Variants in ENTHD1 observed in about 807,000 individuals in gnomAD.
ENTHD1 encodes the protein ENTH domain containing 1.
In ENTHD1, 23 loss-of-function variants were observed where a neutral mutation model predicts 39.1. That is an observed-to-expected ratio of 0.59 (90% CI 0.42 to 0.83). The LOEUF (loss-of-function observed/expected upper bound fraction) is 0.83, where lower values mean the gene tolerates loss of function less well. Among genes scored for constraint, ENTHD1 ranks in the 40% least tolerant of loss-of-function variants. The probability of loss-of-function intolerance (pLI) is 0.00; values close to 1 mark genes in which losing one functional copy is unlikely to be tolerated. For missense variants in ENTHD1, 624 were observed against 705.4 expected (o/e 0.88, Z 1.31); for synonymous variants, 230 against 258.2 (o/e 0.89, Z 1.05).
intron 4 of ENTHD1, among the ~76,000 whole-genome samples, chr22:39,828,584 A>G (rs773360778): frequency 1.3e-5 from 2 of 152,242 alleles, no homozygotes; most frequent in Non-Finnish European, 2.9e-5. Flanking sequence ...TCAATTTAGT[A>G]AATCACAACT....
intron 6 of ENTHD1, among the ~76,000 whole-genome samples, chr22:39,757,063 T>G (rs754013392): frequency 7.2e-5 from 11 of 152,100 alleles, no homozygotes; most frequent in Non-Finnish European, 1.3e-4. Context: ...GCAGAGCTAT[T>G]TGGAGAAAAA....
rs1379617550 is a variant in ENTHD1 at position 39,887,808 on chromosome 22, C to G, written c.-60G>C. On this transcript the variant is annotated 5_prime_UTR_variant, in exon 2 of 7. Coordinates refer to ENST00000325157, the MANE Select transcript of ENTHD1 (RefSeq NM_152512.4). ...AAAGCAATGGAATAACAGTTTATGTCACGGGTTTATAAAACTCTTGACAGG... is the reference window on the plus strand; with the variant it reads ...AAAGCAATGGAATAACAGTTTATGTGACGGGTTTATAAAACTCTTGACAGG... 10 of 1,293,164 alleles carry G rather than the reference C, an allele frequency of 7.7e-6. No individual in the cohort carries two copies. Among genetic ancestry groups the G allele is most frequent in the Non-Finnish European group, 9.5e-6 (9 of 943,904 alleles). The allele number at this position is 1,293,164 out of a possible 1,614,324, so 80.1% of individuals were successfully genotyped here.
chr22:39,887,139 C>T (rs2066384913), intron 2 of ENTHD1, among the ~76,000 whole-genome samples: 1 of 152,172 alleles, frequency 6.6e-6, no homozygotes, highest in African/African-American at 2.4e-5. Context: ...CAACTCTTCC[C>T]CACCTCCTGG....
At chr22:39,751,568 T>C (rs1025703084) in intron 6 of ENTHD1, among the ~76,000 whole-genome samples, 2 of 152,302 alleles carry the variant, frequency 1.3e-5, no homozygotes, top group South Asian at 4.1e-4. Context: ...TTTGAATAAT[T>C]TTTCTAAGCA....
At position 39,841,463 on chromosome 22, in the gene ENTHD1, T is replaced by C. The variant is rs565742199; in HGVS notation, c.593-5505A>G. On this transcript the variant is annotated intron_variant, in intron 3 of 6. Transcript: ENST00000325157. ...TATTTAGGATAGTTAGCTCTTCTTG[T>C]TGAATTGATCCCTTTACCATTATGT... is the stretch of plus-strand genomic sequence containing the variant. Among the ~76,000 whole-genome samples, 1,139 of 151,790 alleles carry C rather than the reference T, an allele frequency of 7.5e-3. 6 individuals carry two copies. The highest frequency in any genetic ancestry group is 0.014 in the Non-Finnish European group (932 of 67,902).
chr22:39,816,442 A>G (rs2065734303), intron 5 of ENTHD1, among the ~76,000 whole-genome samples: 1 of 152,236 alleles, frequency 6.6e-6, no homozygotes, highest in Admixed American at 6.5e-5. Flanking sequence ...AATAGTATAC[A>G]TTAACACTAT....
At chr22:39,847,035 C>G (rs1744021315) in intron 3 of ENTHD1, among the ~76,000 whole-genome samples, 1 of 152,010 alleles carries the variant, frequency 6.6e-6, no homozygotes, top group Non-Finnish European at 1.5e-5. Flanking sequence ...CCAGCCATCC[C>G]ATTACTGGGT....
chr22:39,846,216 T>G (rs1435812473), intron 3 of ENTHD1, among the ~76,000 whole-genome samples: 1 of 152,190 alleles, frequency 6.6e-6, no homozygotes, highest in Non-Finnish European at 1.5e-5. Flanking sequence ...AAAGTTTCTT[T>G]TTGAGACAGG....
intron 6 of ENTHD1, among the ~76,000 whole-genome samples, chr22:39,752,954 A>G (rs111287713): frequency 1.6e-4 from 24 of 152,316 alleles, no homozygotes; most frequent in South Asian, 6.2e-4. Flanking sequence ...TTTACAGACA[A>G]AAAGGAAAAG....
chr22:39,784,966 G>A (rs544400715), intron 5 of ENTHD1, among the ~76,000 whole-genome samples: 1 of 152,246 alleles, frequency 6.6e-6, no homozygotes, highest in Admixed American at 6.5e-5. Flanking sequence ...TATTTGAGGT[G>A]ATGGATATCC....
chr22:39,844,681 C>T lies in ENTHD1; in HGVS notation c.593-8723G>A, dbSNP rs550502952. ...GCAAAGAAACAAGATCTAGGACATC[C>T]CTTCTCCCCCAAAAGCAATACTGGT... On this transcript the variant is annotated intron_variant, in intron 3 of 6. Coordinates refer to ENST00000325157, the MANE Select transcript of ENTHD1 (RefSeq NM_152512.4). Among the ~76,000 whole-genome samples, 4 of 152,192 alleles carry T rather than the reference C, an allele frequency of 2.6e-5. No homozygotes were observed. The East Asian group carries it at 7.7e-4, about 29-fold the overall frequency.
intron 5 of ENTHD1, among the ~76,000 whole-genome samples, chr22:39,799,624 T>G (rs1036903582): frequency 3.3e-5 from 5 of 152,180 alleles, no homozygotes; most frequent in African/African-American, 4.8e-5. Flanking sequence ...CCCTGCAGCG[T>G]AAGGTGTGAA....
chr22:39,758,778 C>A (rs566677999), intron 6 of ENTHD1, among the ~76,000 whole-genome samples: 2 of 152,076 alleles, frequency 1.3e-5, no homozygotes, highest in Admixed American at 1.3e-4. Context: ...GAGCGAAGTT[C>A]CCTCTTATTC....
intron 5 of ENTHD1, among the ~76,000 whole-genome samples, chr22:39,780,842 CA>C (rs1217032082): frequency 6.6e-6 from 1 of 151,788 alleles, no homozygotes; most frequent in African/African-American, 2.4e-5. Flanking sequence ...ACTAAAAATA[CA>C]AAAAAATTAG....
intron 4 of ENTHD1, among the ~76,000 whole-genome samples, chr22:39,833,675 G>A (rs1237693140): frequency 2.6e-5 from 4 of 151,748 alleles, no homozygotes; most frequent in Non-Finnish European, 5.9e-5. Flanking sequence ...AAACTATAAA[G>A]AAAAGTGAAG....
chr22:39,872,446 A>G (rs1410980037), intron 2 of ENTHD1, among the ~76,000 whole-genome samples: 1 of 152,190 alleles, frequency 6.6e-6, no homozygotes, highest in Non-Finnish European at 1.5e-5. Context: ...CAAGGGCCAA[A>G]TACTTGATGT....
At chr22:39,838,126 C>T (rs1048007652) in intron 3 of ENTHD1, among the ~76,000 whole-genome samples, 14 of 152,096 alleles carry the variant, frequency 9.2e-5, no homozygotes, top group Admixed American at 5.9e-4. Flanking sequence ...AGATATACTG[C>T]AATTAATATT....
intron 4 of ENTHD1, among the ~76,000 whole-genome samples, chr22:39,833,505 A>C (rs1215044192): frequency 2.0e-5 from 3 of 152,302 alleles, no homozygotes; most frequent in African/African-American, 7.2e-5. Context: ...GGAAGACATG[A>C]TATAAAGAAG....
At chr22:39,860,527 A>C (rs2066131292) in intron 3 of ENTHD1, among the ~76,000 whole-genome samples, 1 of 152,204 alleles carries the variant, frequency 6.6e-6, no homozygotes. Flanking sequence ...CCCTCTTATA[A>C]TGTCTCTCTC....
Sources: allele counts gnomAD v4.1 joint callset (sites outside exome capture counted in the v4.1 genomes callset), GRCh38; gene constraint gnomAD v4.1.1; transcripts MANE v1.5; gene names NCBI Gene and HGNC (gene_info 2026-07-23, HGNC 2026-07-21).